MTUS2: variants seen among roughly 807,000 people sequenced by gnomAD.
MTUS2 encodes microtubule associated scaffold protein 2.
Under a neutral mutation model 114.1 loss-of-function variants are expected in MTUS2, and 40 were observed. That is an observed-to-expected ratio of 0.35 (90% CI 0.27 to 0.46). The LOEUF is 0.46. Ranked by LOEUF, MTUS2 falls within the 20% of genes least tolerant of loss-of-function variation. MTUS2 has a pLI of 1.00. For missense variants in MTUS2, 1,679 were observed against 1,705.4 expected, an observed-to-expected ratio of 0.98 and a Z score of 0.27; for synonymous variants, 688 against 672.0, an observed-to-expected ratio of 1.02 and a Z score of -0.37.
chr13:28,912,381 T>C (rs1219587174), intron 2 of MTUS2, among the ~76,000 whole-genome samples: 1 of 152,132 alleles, frequency 6.6e-6, no homozygotes, highest in Non-Finnish European at 1.5e-5. Flanking sequence ...TATCTATTCT[T>C]GTAGCAATAT....
chr13:28,969,046 T>TA (rs1296789713), intron 2 of MTUS2, among the ~76,000 whole-genome samples: 1 of 152,246 alleles, frequency 6.6e-6, no homozygotes, highest in Non-Finnish European at 1.5e-5. Flanking sequence ...ATAATTTTGT[T>TA]AATTTTTTAT....
At chr13:29,221,397 C>T (rs1212254143) in intron 5 of MTUS2, among the ~76,000 whole-genome samples, 1 of 152,192 alleles carries the variant, frequency 6.6e-6, no homozygotes, top group Non-Finnish European at 1.5e-5. Context: ...TTGTTATTCC[C>T]AGACTTTTTT....
chr13:29,137,609 CCTTCTTT>C (rs1251512074), intron 5 of MTUS2, among the ~76,000 whole-genome samples: 7 of 151,458 alleles, frequency 4.6e-5, no homozygotes, highest in South Asian at 2.1e-4. Context: ...CCTCCTTCTT[CCTTCTTT>C]CTTCTTTCTT....
chr13:28,853,503 A>G (rs1365475721), intron 2 of MTUS2, among the ~76,000 whole-genome samples: 8 of 152,220 alleles, frequency 5.3e-5, no homozygotes, highest in Non-Finnish European at 8.8e-5. Context: ...GCAACCTGTA[A>G]GGCTCTGAAC....
In MTUS2 at chr13:28,993,242, G is replaced by T. The variant is rs75604375; in HGVS notation, c.-242-31215G>T. Among the ~76,000 whole-genome samples the T allele has an allele frequency of 0.011, 1,608 of 152,216 alleles. 75 individuals are homozygous for T. The East Asian group carries it at 0.11, about 10-fold the overall frequency. ...TGAAACTCTGATTTCAATTCTTTTT[G>T]TGTATACCTAGAAGTGGGATTGCTG... On this transcript the variant is annotated intron_variant, in intron 2 of 15. Coordinates refer to ENST00000612955, the MANE Select transcript of MTUS2 (RefSeq NM_001033602.4).
intron 9 of MTUS2, among the ~76,000 whole-genome samples, chr13:29,442,850 A>G (rs1450465368): frequency 6.6e-6 from 1 of 152,204 alleles, no homozygotes; most frequent in Non-Finnish European, 1.5e-5. Context: ...TATGAGTTAT[A>G]GTTCAGCTAG....
intron 2 of MTUS2, among the ~76,000 whole-genome samples, chr13:28,893,175 G>T (rs1448569780): frequency 1.3e-5 from 2 of 152,142 alleles, no homozygotes; most frequent in Non-Finnish European, 2.9e-5. Flanking sequence ...AGATTTTTGA[G>T]CATGCAGTTG....
intron 2 of MTUS2, among the ~76,000 whole-genome samples, chr13:28,888,052 C>G (rs1035648038): frequency 6.6e-6 from 1 of 152,204 alleles, no homozygotes; most frequent in Admixed American, 6.5e-5. Context: ...TCTGTGAAAC[C>G]TTTCCTACCT....
intron 9 of MTUS2, among the ~76,000 whole-genome samples, chr13:29,446,114 A>G (rs1019834026): frequency 6.6e-6 from 1 of 152,186 alleles, no homozygotes; most frequent in Non-Finnish European, 1.5e-5. Context: ...GGGAATCATT[A>G]TGAGTCACAA....
intron 5 of MTUS2, among the ~76,000 whole-genome samples, chr13:29,153,713 C>A (rs969235626): frequency 3.3e-5 from 5 of 152,194 alleles, no homozygotes; most frequent in African/African-American, 1.2e-4. Context: ...CTCCTCAATT[C>A]TCTTCCTCCT....
At chr13:29,101,567 A>G (rs1477813386) in intron 5 of MTUS2, among the ~76,000 whole-genome samples, 1 of 152,218 alleles carries the variant, frequency 6.6e-6, no homozygotes, top group Non-Finnish European at 1.5e-5. Flanking sequence ...TAACCTGCAG[A>G]GCATGTTACA....
intron 4 of MTUS2, among the ~76,000 whole-genome samples, chr13:29,068,074 C>G (rs1432714035): frequency 6.6e-6 from 1 of 152,172 alleles, no homozygotes; most frequent in Non-Finnish European, 1.5e-5. Flanking sequence ...ATAAGACAAA[C>G]TAGTGAATTA....
intron 8 of MTUS2, among the ~76,000 whole-genome samples, chr13:29,393,143 T>C (rs12100170): frequency 0.04 from 6,161 of 152,254 alleles, 428 homozygotes; most frequent in African/African-American, 0.14. Context: ...ACAGAATAAG[T>C]GGCTTGCAGT....
At chr13:29,207,795 C>CT (rs1315829823) in intron 5 of MTUS2, among the ~76,000 whole-genome samples, 1 of 152,012 alleles carries the variant, frequency 6.6e-6, no homozygotes, top group Admixed American at 6.6e-5. Flanking sequence ...GGTGGATTAC[C>CT]TTTTTTATTT....
intron 5 of MTUS2, among the ~76,000 whole-genome samples, chr13:29,143,660 T>C (rs1015770415): frequency 1.1e-4 from 16 of 152,150 alleles, no homozygotes; most frequent in Non-Finnish European, 2.9e-5. Context: ...GCCTCAGGAA[T>C]TGGTGCCTAG....
At chr13:29,205,306 T>G (rs573691387) in intron 5 of MTUS2, among the ~76,000 whole-genome samples, 9 of 152,340 alleles carry the variant, frequency 5.9e-5, no homozygotes, top group Non-Finnish European at 1.3e-4. Context: ...ACAGGCAATG[T>G]TGATTTTATG....
intron 2 of MTUS2, among the ~76,000 whole-genome samples, chr13:28,938,448 GATT>G (rs1347348846): frequency 6.6e-6 from 1 of 151,866 alleles, no homozygotes; most frequent in East Asian, 1.9e-4. Flanking sequence ...ATAGTCTTAT[GATT>G]ATTGTTGTGT....
intron 2 of MTUS2, among the ~76,000 whole-genome samples, chr13:28,863,076 C>G (rs1023750294): frequency 6.6e-6 from 1 of 152,202 alleles, no homozygotes; most frequent in Non-Finnish European, 1.5e-5. Context: ...GCTGTCTCAT[C>G]TTTTGTTTCG....
chr13:29,001,056 G>A (rs987740849), intron 2 of MTUS2, among the ~76,000 whole-genome samples: 7 of 152,176 alleles, frequency 4.6e-5, no homozygotes, highest in African/African-American at 1.7e-4. Flanking sequence ...ATATGCACAT[G>A]CTTATCTCTC....
Sources: gnomAD v4.1 joint callset for allele counts (sites outside exome capture counted in the v4.1 genomes callset) on GRCh38, gnomAD v4.1.1 for gene constraint, MANE v1.5 for transcripts, NCBI Gene and HGNC (gene_info 2026-07-23, HGNC 2026-07-21) for gene names.